ANTXRL: variants seen among roughly 807,000 people sequenced by gnomAD.
ANTXRL encodes the protein anthrax toxin receptor-like.
In ANTXRL, 63 loss-of-function variants were observed where a neutral mutation model predicts 75.4. The observed-to-expected ratio is 0.84, with a 90% CI of 0.68 to 1.03. The LOEUF is 1.03. Ranked by LOEUF, ANTXRL falls within the 50% of genes least tolerant of loss-of-function variation. The pLI is 0.00. For synonymous variants in ANTXRL, 335 were observed against 291.3 expected (o/e 1.15, Z -1.53); for missense variants, 797 against 789.4 (o/e 1.01, Z -0.12).
At chr10:46,303,897 C>T (rs1837908024) in intron 10 of ANTXRL, among the ~76,000 whole-genome samples, 1 of 152,066 alleles carries the variant, frequency 6.6e-6, no homozygotes, top group Non-Finnish European at 1.5e-5. Flanking sequence ...TTGATACATT[C>T]ATTTGATCTG....
chr10:46,291,936 C>T, intron 1 of ANTXRL, 122 bp from the exon 2 acceptor site: 2 of 858,640 alleles, frequency 2.3e-6, no homozygotes, highest in Non-Finnish European at 3.7e-6. Flanking sequence ...GTACCCCAGC[C>T]TCAGCTGTGC....
In ANTXRL at chr10:46,311,604, G is replaced by GC; in HGVS notation, c.1272dup (p.Thr425HisfsTer27). On this transcript the variant is annotated frameshift_variant, in exon 15 of 17. Coordinates refer to ENST00000620264, the MANE Select transcript of ANTXRL (RefSeq NM_001278688.3). LOFTEE classifies it high-confidence loss of function. The stretch of plus-strand genomic sequence containing the variant: ...CCGCCCCCAGCTCCTGTAAACACCT[G>GC]CCCCACTGTGATTATTTGTTGCTGT... 2.1e-6 allele frequency: 3 copies of GC among 1,413,160 alleles called. No individual in the cohort carries two copies. Among genetic ancestry groups the GC allele is most frequent in the Non-Finnish European group, 2.9e-6 (3 of 1,034,650 alleles). The allele number at this position is 1,413,160 out of a possible 1,614,324, so 87.5% of individuals were successfully genotyped here. A position where few individuals can be genotyped will look rare whatever the true frequency, so the allele number is the denominator to read the frequency against.
chr10:46,329,298 G>A (rs782074750), intron 16 of ANTXRL, among the ~76,000 whole-genome samples: 1 of 152,074 alleles, frequency 6.6e-6, no homozygotes, highest in African/African-American at 2.4e-5. Flanking sequence ...GAGGTAATTG[G>A]GGCCTCCTCC....
chr10:46,304,790 C>T (rs1422018084), intron 10 of ANTXRL, among the ~76,000 whole-genome samples: 4 of 152,058 alleles, frequency 2.6e-5, no homozygotes, highest in Non-Finnish European at 5.9e-5. Context: ...CAGACCCAGG[C>T]GATCTGCCTT....
At chr10:46,313,092 G>T (rs1838522175) in intron 15 of ANTXRL, 144 bp from the exon 16 acceptor site, 2 of 739,678 alleles carry the variant, frequency 2.7e-6, no homozygotes, top group Non-Finnish European at 4.6e-6. Context: ...ACACAAGGCT[G>T]CCAGGCCCCT....
chr10:46,306,291 C>A lies in ANTXRL; in HGVS notation c.896-512C>A, dbSNP rs193168064. 7.9e-5 allele frequency among the ~76,000 whole-genome samples: 12 copies of A among 152,286 alleles called. No individual in the cohort carries two copies. In the East Asian group the frequency reaches 1.9e-3, roughly 24 times the overall value. Reference sequence around the variant, plus strand: ...TGTGCAATGAACTTAAAGAAGCCATCACCTACTTTCAATAATTCTCAACCT... The same window carrying A: ...TGTGCAATGAACTTAAAGAAGCCATAACCTACTTTCAATAATTCTCAACCT... On this transcript the variant is annotated intron_variant, in intron 10 of 16. Transcript: ENST00000620264.
At position 46,311,618 on chromosome 10, in the gene ANTXRL, A is replaced by G. The variant is rs782783285; in HGVS notation, c.1282A>G (p.Ile428Val). 12 of 1,372,404 alleles carry G rather than the reference A, an allele frequency of 8.7e-6. No individual in the cohort carries two copies. The highest frequency in any genetic ancestry group is 8.7e-5 in the South Asian group (7 of 80,718). The allele number at this position is 1,372,404 out of a possible 1,614,324, so 85.0% of individuals were successfully genotyped here. The change falls in exon 15 of 17, where the codon ATT becomes GTT. Residue 428 changes from isoleucine to valine, a missense_variant. By Grantham distance (29) the Ile-to-Val change is conservative. Coordinates refer to ENST00000620264, the MANE Select transcript of ANTXRL (RefSeq NM_001278688.3). ...APVNTCPTVI[I>V]CCCGCQGVGG... ...TGTAAACACCTGCCCCACTGTGATT[A>G]TTTGTTGCTGTGGATGCCAAGGAGT...
chr10:46,308,222 C>G (rs529936780), intron 12 of ANTXRL, among the ~76,000 whole-genome samples: 1 of 152,306 alleles, frequency 6.6e-6, no homozygotes, highest in African/African-American at 2.4e-5. Flanking sequence ...CACATCCATG[C>G]ATGGATCTGC....
chr10:46,287,065 A>C lies in ANTXRL; in HGVS notation c.-198A>C, dbSNP rs1383105801. The C allele has an allele frequency of 1.5e-6, 1 of 671,280 alleles. No homozygotes were observed. Among genetic ancestry groups the C allele is most frequent in the Non-Finnish European group, 2.4e-6 (1 of 408,596 alleles). The allele number at this position is 671,280 out of a possible 1,614,324, so 41.6% of individuals were successfully genotyped here. ...AGGTAGCTGGAAGCAAGTCTCCCAG[A>C]GCCAGCTGCTGACCCTAGTCCCTGC... On this transcript the variant is annotated 5_prime_UTR_variant, in exon 1 of 17. Coordinates refer to ENST00000620264, the MANE Select transcript of ANTXRL (RefSeq NM_001278688.3).
Position 46,287,311 on chromosome 10 carries a change from C to G in ANTXRL, c.49C>G (p.Leu17Val). 6.5e-7 allele frequency: 1 copy of G among 1,535,962 alleles called. No homozygotes were observed. Among genetic ancestry groups the G allele is most frequent in the South Asian group, 1.2e-5 (1 of 84,042 alleles). ...GCCCTACTTCCTGGTCTTCCTGCTG[C>G]TGCTGCTGCTTCCTCCACCGCTTTT... ...LGPYFLVFLL[L>V]LLLPPPLFRA... is the part of the protein sequence containing the mutation. The change falls in exon 1 of 17, where the codon CTG becomes GTG. Residue 17 changes from leucine to valine, a missense_variant. Transcript: ENST00000620264.
chr10:46,316,579 G>T (rs1254649853), intron 16 of ANTXRL, among the ~76,000 whole-genome samples: 1 of 152,064 alleles, frequency 6.6e-6, no homozygotes, highest in East Asian at 1.9e-4. Context: ...AACATGGCAG[G>T]GTTGTTGAGT....
At position 46,287,078 on chromosome 10, in the gene ANTXRL, C is replaced by A; in HGVS notation, c.-185C>A. On this transcript the variant is annotated 5_prime_UTR_variant, in exon 1 of 17. Transcript: ENST00000620264. ...CAAGTCTCCCAGAGCCAGCTGCTGA[C>A]CCTAGTCCCTGCGATCTGGGGAGGT... is the stretch of plus-strand genomic sequence containing the variant. 2 of 750,478 alleles carry A rather than the reference C, an allele frequency of 2.7e-6. No homozygotes were observed. The highest frequency in any genetic ancestry group is 4.2e-6 in the Non-Finnish European group (2 of 476,436). 46.5% of individuals were successfully genotyped at this position (750,478 alleles called of 1,614,324 possible).
At chr10:46,297,358 TG>T in intron 6 of ANTXRL, 30 bp downstream of exon 6, 1 of 1,536,256 alleles carries the variant, frequency 6.5e-7, no homozygotes, top group Non-Finnish European at 8.7e-7. Context: ...ACCAGCATTT[TG>T]CTCCATGTAT....
In ANTXRL at chr10:46,310,311, C is replaced by T. The variant is rs1320116156; in HGVS notation, c.1135-150C>T. ...CCCAGGAGGAGGAGCCTGCCGGGTA[C>T]AAGTTCACAGGCTCAGGGTGGCCAG... On this transcript the variant is annotated intron_variant, in intron 13 of 16. Coordinates refer to ENST00000620264, the MANE Select transcript of ANTXRL (RefSeq NM_001278688.3). The T allele has an allele frequency of 1.5e-5, 11 of 758,074 alleles. No individual in the cohort carries two copies. The Admixed American group carries it at 1.5e-4, about 10-fold the overall frequency. The allele number at this position is 758,074 out of a possible 1,614,324, so 47.0% of individuals were successfully genotyped here.
intron 16 of ANTXRL, among the ~76,000 whole-genome samples, chr10:46,317,372 C>G (rs373782516): frequency 2.6e-5 from 4 of 152,202 alleles, no homozygotes; most frequent in East Asian, 1.9e-4. Flanking sequence ...CTTGATTTCA[C>G]ACTGTCACTT....
chr10:46,316,986 C>G (rs553893397), intron 16 of ANTXRL, among the ~76,000 whole-genome samples: 15 of 152,274 alleles, frequency 9.9e-5, no homozygotes, highest in African/African-American at 3.6e-4. Flanking sequence ...ACATGACATC[C>G]TGTCCAGGGT....
rs536975086 is a variant in ANTXRL, at chr10:46,312,720, C to T, written c.1330-516C>T. 3.8e-3 allele frequency among the ~76,000 whole-genome samples: 559 copies of T among 148,848 alleles called. 7 individuals are homozygous for T. The highest frequency in any genetic ancestry group is 0.013 in the African/African-American group (511 of 40,392). On this transcript the variant is annotated intron_variant, in intron 15 of 16. Coordinates refer to ENST00000620264, the MANE Select transcript of ANTXRL (RefSeq NM_001278688.3). ...GCCCAGAAAGGCCTGACTGCAGCGCCGAGTGGCCAAGGGGCTGCCCGCCGT... is the reference window on the plus strand; with the variant it reads ...GCCCAGAAAGGCCTGACTGCAGCGCTGAGTGGCCAAGGGGCTGCCCGCCGT...
chr10:46,309,128 T>C lies in ANTXRL; in HGVS notation c.1060T>C (p.Trp354Arg). ...TSTTCGIFRNWLYFVPLLLLV... is the reference protein window; with the variant it reads ...TSTTCGIFRNRLYFVPLLLLV... ...TCTCCACCAGGGCATTTTCCGCAAC[T>C]GGCTCTATTTTGTGCCACTCCTGCT... The change falls in exon 13 of 17, where the codon TGG becomes CGG. Residue 354 changes from tryptophan to arginine, a missense_variant. Trp to Arg is a moderately radical substitution (Grantham distance 101). Around this residue, in one of 3 missense-constraint regions of ANTXRL, gnomAD observed 479 missense variants for 422.0 expected, o/e 1.14. Transcript: ENST00000620264. The C allele has an allele frequency of 6.6e-7, 1 of 1,524,288 alleles. No homozygotes were observed. The highest frequency in any genetic ancestry group is 8.7e-7 in the Non-Finnish European group (1 of 1,146,350). The allele number at this position is 1,524,288 out of a possible 1,614,324, so 94.4% of individuals were successfully genotyped here.
intron 15 of ANTXRL, among the ~76,000 whole-genome samples, 184 bp from the exon 16 acceptor site, chr10:46,313,052 C>T (rs1437388164): frequency 6.6e-6 from 1 of 152,188 alleles, no homozygotes; most frequent in African/African-American, 2.4e-5. Context: ...TTCCAAAACT[C>T]TCTGTGGCCA....
Sources: gnomAD v4.1 joint callset for allele counts (sites outside exome capture counted in the v4.1 genomes callset) on GRCh38, gnomAD v4.1.1 for gene constraint, gnomAD v4.1.1 regional missense constraint, MANE v1.5 for transcripts, NCBI Gene and HGNC (gene_info 2026-07-23, HGNC 2026-07-21) for gene names.